Variants in NFIX observed in about 807,000 individuals in gnomAD.
NFIX encodes the protein nuclear factor I X.
In NFIX, 2 loss-of-function variants were observed where a neutral mutation model predicts 53.3. The ratio of observed to expected loss-of-function variants is 0.04; its 90% confidence interval spans 0.02 to 0.12. The LOEUF (loss-of-function observed/expected upper bound fraction) is 0.12, where lower values mean the gene tolerates loss of function less well. Ranked by LOEUF, NFIX falls within the 10% of genes least tolerant of loss-of-function variation. The pLI is 1.00. For synonymous variants in NFIX, 244 were observed against 289.0 expected, an observed-to-expected ratio of 0.84 and a Z score of 1.58; for missense variants, 310 against 674.5, an observed-to-expected ratio of 0.46 and a Z score of 5.99.
chr19:13,003,736 TCA>T (rs1326251814), intron 1 of NFIX, among the ~76,000 whole-genome samples: 19 of 151,734 alleles, frequency 1.3e-4, no homozygotes, highest in African/African-American at 4.6e-4. Context: ...CCTCCCAAGC[TCA>T]AACGATCTAC....
Position 13,028,582 on chromosome 19 carries a change from A to T in NFIX, c.559+3030A>T, listed in dbSNP as rs1026134597. 5.3e-5 allele frequency among the ~76,000 whole-genome samples: 8 copies of T among 152,160 alleles called. No individual in the cohort carries two copies. Among genetic ancestry groups the T allele is most frequent in the African/African-American group, 1.7e-4 (7 of 41,442 alleles). ...AGAATACTGGGTCCAAATACAGAAT[A>T]CTAGGTCCAAAAGGCTGCCATGCGG... On this transcript the variant is annotated intron_variant, in intron 2 of 10. Coordinates refer to ENST00000592199, the MANE Select transcript of NFIX (RefSeq NM_001365902.3). This position sits in a 1 kb window ranked among gnomAD's most constrained non-coding sequence, Gnocchi z 4.2.
rs540224929 is a variant in NFIX, at chr19:13,049,960, A to C, written c.560-23087A>C. Among the ~76,000 whole-genome samples the C allele has an allele frequency of 3.1e-3, 468 of 152,340 alleles. No homozygotes were observed. Among genetic ancestry groups the C allele is most frequent in the Non-Finnish European group, 5.4e-3 (370 of 68,026 alleles). On this transcript the variant is annotated intron_variant, in intron 2 of 10. Coordinates refer to ENST00000592199, the MANE Select transcript of NFIX (RefSeq NM_001365902.3). The surrounding 1 kb of genome is among the most constrained non-coding windows in gnomAD (Gnocchi z 4.5). ...CCACATTTTGTTTATCCATTCATAC[A>C]TTGATGGATATTTGGGCTCTTTCCA...
rs1430697153 is a variant in NFIX at position 13,001,032 on chromosome 19, G to T, written c.27+5168G>T. Reference sequence around the variant, plus strand: ...GGACTTGCTGGACCAGAGAGGTAGGGGAGGCTGGGCACTTTCTCCAACACG... The same window carrying T: ...GGACTTGCTGGACCAGAGAGGTAGGTGAGGCTGGGCACTTTCTCCAACACG... On this transcript the variant is annotated intron_variant, in intron 1 of 10. Transcript: ENST00000592199. This position sits in a 1 kb window ranked among gnomAD's most constrained non-coding sequence, Gnocchi z 6.5. 6.6e-6 allele frequency among the ~76,000 whole-genome samples: 1 copy of T among 152,176 alleles called. No homozygotes were observed.
At chr19:13,057,785 T>C (rs920640849) in intron 2 of NFIX, among the ~76,000 whole-genome samples, 1 of 145,262 alleles carries the variant, frequency 6.9e-6, no homozygotes, top group Non-Finnish European at 1.5e-5. Flanking sequence ...GTAAGCCAGA[T>C]GTTGGACTAC....
chr19:13,018,541 C>T (rs538463548), intron 1 of NFIX, among the ~76,000 whole-genome samples: 4 of 152,332 alleles, frequency 2.6e-5, no homozygotes, highest in South Asian at 2.1e-4. Flanking sequence ...CCAAATTATC[C>T]GAGCTCCCTC....
intron 10 of NFIX, among the ~76,000 whole-genome samples, chr19:13,091,890 C>T (rs2018163555): frequency 6.6e-6 from 1 of 152,248 alleles, no homozygotes; most frequent in Non-Finnish European, 1.5e-5. Flanking sequence ...CCTTTACTTT[C>T]TTTGCTCACT....
In NFIX at chr19:13,024,113, CA is replaced by C. The variant is rs113861190; in HGVS notation, c.28-891del. On this transcript the variant is annotated intron_variant, in intron 1 of 10. Coordinates refer to ENST00000592199, the MANE Select transcript of NFIX (RefSeq NM_001365902.3). ...TTTAAACTTCAAACAAGCAAACAACCAAAAAAAAAAAAAAAAACCAAACAAA... is the reference window on the plus strand; with the variant it reads ...TTTAAACTTCAAACAAGCAAACAACCAAAAAAAAAAAAAAAACCAAACAAA... 52,172 of 405,882 alleles carry C rather than the reference CA, an allele frequency of 0.13. 112 individuals carry two copies. The highest frequency in any genetic ancestry group is 0.16 in the Middle Eastern group (218 of 1,406). 25.1% of individuals were successfully genotyped at this position (405,882 alleles called of 1,614,324 possible).
chr19:13,020,414 G>A (rs909274347), intron 1 of NFIX, among the ~76,000 whole-genome samples: 15 of 152,156 alleles, frequency 9.9e-5, no homozygotes, highest in African/African-American at 3.4e-4. Context: ...GGGAGGGAGG[G>A]AGGAAAGAGA....
chr19:13,079,660 T>G, intron 7 of NFIX, among the ~76,000 whole-genome samples: 1 of 150,468 alleles, frequency 6.6e-6, no homozygotes, highest in Non-Finnish European at 1.5e-5. Context: ...CAGGGTGTGG[T>G]GGCCGCGAGG....
chr19:13,073,320 G>A lies in NFIX; in HGVS notation c.623-102G>A, dbSNP rs866919069. 12 of 1,104,382 alleles carry A rather than the reference G, an allele frequency of 1.1e-5. No individual in the cohort carries two copies. Among genetic ancestry groups the A allele is most frequent in the South Asian group, 3.7e-5 (3 of 80,096 alleles). 68.4% of individuals were successfully genotyped at this position (1,104,382 alleles called of 1,614,324 possible). On this transcript the variant is annotated intron_variant, in intron 3 of 10. Coordinates refer to ENST00000592199, the MANE Select transcript of NFIX (RefSeq NM_001365902.3). The surrounding 1 kb of genome is among the most constrained non-coding windows in gnomAD (Gnocchi z 4.5). ...TGAGGGCTAGCCTGGAGCTGGAAACGGGACTTGGGAGGGAGAAGCAACAGT... is the reference window on the plus strand; with the variant it reads ...TGAGGGCTAGCCTGGAGCTGGAAACAGGACTTGGGAGGGAGAAGCAACAGT...
intron 1 of NFIX, among the ~76,000 whole-genome samples, chr19:13,016,322 G>A (rs1438775424): frequency 6.6e-6 from 1 of 152,184 alleles, no homozygotes; most frequent in Non-Finnish European, 1.5e-5. Context: ...AAGCTAGCAG[G>A]CATGTGGTCC....
chr19:13,054,472 C>T (rs1306085619), intron 2 of NFIX, among the ~76,000 whole-genome samples: 1 of 152,090 alleles, frequency 6.6e-6, no homozygotes. Context: ...TGGTGGGCGG[C>T]TGAGGAGCTC....
chr19:13,055,131 C>G (rs1314371777), intron 2 of NFIX, among the ~76,000 whole-genome samples: 2 of 151,770 alleles, frequency 1.3e-5, no homozygotes, highest in African/African-American at 4.8e-5. Context: ...TAGGAGACCT[C>G]CCGCCGGCTG....
chr19:13,023,062 C>G (rs1356912221), intron 1 of NFIX, among the ~76,000 whole-genome samples: 1 of 103,470 alleles, frequency 9.7e-6, no homozygotes, highest in Admixed American at 1.2e-4. Flanking sequence ...GTGGATCCTT[C>G]TCTCTCTTTC....
rs1415074672 is a variant in NFIX, at chr19:13,037,094, AC to A, written c.559+11545del. Reference sequence around the variant, plus strand: ...CAGGCCATCTGCCCTTGGGTATTTGACCCAACGGGAAGCAAGGCAGTAGACT... The same window carrying A: ...CAGGCCATCTGCCCTTGGGTATTTGACCAACGGGAAGCAAGGCAGTAGACT... On this transcript the variant is annotated intron_variant, in intron 2 of 10. Coordinates refer to ENST00000592199, the MANE Select transcript of NFIX (RefSeq NM_001365902.3). This position sits in a 1 kb window ranked among gnomAD's most constrained non-coding sequence, Gnocchi z 4.2. Among the ~76,000 whole-genome samples the A allele has an allele frequency of 6.6e-6, 1 of 152,074 alleles. No homozygotes were observed. The highest frequency in any genetic ancestry group is 1.9e-4 in the East Asian group (1 of 5,192).
At position 13,002,706 on chromosome 19, in the gene NFIX, G is replaced by A. The variant is rs1284650630; in HGVS notation, c.27+6842G>A. On this transcript the variant is annotated intron_variant, in intron 1 of 10. Coordinates refer to ENST00000592199, the MANE Select transcript of NFIX (RefSeq NM_001365902.3). The surrounding 1 kb of genome is among the most constrained non-coding windows in gnomAD (Gnocchi z 6.1). ...TACCGATGTGGCTGCGCCAGCCAGG[G>A]AGGGGAGGCGGGTAGCGGGCACTGC... Among the ~76,000 whole-genome samples, 3 of 152,228 alleles carry A rather than the reference G, an allele frequency of 2.0e-5. No homozygotes were observed. Among genetic ancestry groups the A allele is most frequent in the Non-Finnish European group, 4.4e-5 (3 of 68,032 alleles).
In NFIX at chr19:13,011,193, C is replaced by G. The variant is rs1043153759; in HGVS notation, c.28-13828C>G. On this transcript the variant is annotated intron_variant, in intron 1 of 10. Transcript: ENST00000592199. This position sits in a 1 kb window ranked among gnomAD's most constrained non-coding sequence, Gnocchi z 6.5. The stretch of plus-strand genomic sequence containing the variant: ...CGTTCTTAAAGACCGGGGACCCCCC[C>G]TCCCCCAAGGGCCGGACTGCAGCTC... Among the ~76,000 whole-genome samples, 3 of 152,186 alleles carry G rather than the reference C, an allele frequency of 2.0e-5. No individual in the cohort carries two copies. In the East Asian group the frequency reaches 5.8e-4, roughly 29 times the overall value.
chr19:13,081,575 G>A lies in NFIX; in HGVS notation c.1079-105G>A. 8.1e-7 allele frequency: 1 copy of A among 1,230,906 alleles called. No homozygotes were observed. Among genetic ancestry groups the A allele is most frequent in the Non-Finnish European group, 1.1e-6 (1 of 898,808 alleles). 76.2% of individuals were successfully genotyped at this position (1,230,906 alleles called of 1,614,324 possible). ...CTGTGGCGGCTGCCTTACCTGCTCA[G>A]GATCCTCAGGACCCTCTGACCGGCA... On this transcript the variant is annotated intron_variant, in intron 7 of 10. Transcript: ENST00000592199. The surrounding 1 kb of genome is among the most constrained non-coding windows in gnomAD (Gnocchi z 4.7).
chr19:13,061,209 G>A (rs2016066269), intron 2 of NFIX, among the ~76,000 whole-genome samples: 1 of 152,026 alleles, frequency 6.6e-6, no homozygotes, highest in South Asian at 2.1e-4. Context: ...GCACCTGGCA[G>A]GTCCCCCGCC....
Sources: allele counts gnomAD v4.1 joint callset (sites outside exome capture counted in the v4.1 genomes callset), GRCh38; gene constraint gnomAD v4.1.1; non-coding constraint Gnocchi (gnomAD v3.1); transcripts MANE v1.5; gene names NCBI Gene and HGNC (gene_info 2026-07-23, HGNC 2026-07-21).